ZMIZ1: variants seen among roughly 807,000 people sequenced by gnomAD.
The protein encoded by ZMIZ1 is zinc finger MIZ domain-containing protein 1.
A neutral mutation model predicts 113.9 loss-of-function variants in ZMIZ1; 17 were observed. The observed-to-expected ratio is 0.15, with a 90% confidence interval of 0.10 to 0.22. The LOEUF is 0.22. Among genes scored for constraint, ZMIZ1 ranks in the 10% least tolerant of loss-of-function variants. The pLI is 1.00. For missense variants in ZMIZ1, 1,059 were observed against 1,477.8 expected (o/e 0.72, Z 4.65); for synonymous variants, 607 against 603.1 (o/e 1.01, Z -0.09).
intron 1 of ZMIZ1, among the ~76,000 whole-genome samples, chr10:79,108,348 G>A (rs1056783561): frequency 2.6e-5 from 4 of 152,152 alleles, no homozygotes; most frequent in East Asian, 3.9e-4. Context: ...CCCCAGCTCA[G>A]ATCTCAGATC....
chr10:79,090,141 C>G (rs928617402), intron 1 of ZMIZ1, among the ~76,000 whole-genome samples: 1 of 152,204 alleles, frequency 6.6e-6, no homozygotes, highest in African/African-American at 2.4e-5. Context: ...ACCCAGGAGA[C>G]AGCTTGCTGT....
chr10:79,155,383 G>A (rs546800889), intron 3 of ZMIZ1, among the ~76,000 whole-genome samples: 6 of 152,194 alleles, frequency 3.9e-5, no homozygotes, highest in Non-Finnish European at 7.3e-5. Context: ...GTCCCTGACT[G>A]GGCCTGAGTC....
intron 3 of ZMIZ1, among the ~76,000 whole-genome samples, chr10:79,161,103 C>T (rs748510987): frequency 6.6e-6 from 1 of 152,184 alleles, no homozygotes; most frequent in Non-Finnish European, 1.5e-5. Flanking sequence ...CCAGCTGAGC[C>T]CCACCCAACA....
chr10:79,123,564 G>T (rs981716902), intron 2 of ZMIZ1, among the ~76,000 whole-genome samples: 2 of 152,220 alleles, frequency 1.3e-5, no homozygotes, highest in African/African-American at 4.8e-5. Context: ...TGAGCAGCAT[G>T]GTTGTGCGGT....
Position 79,310,981 on chromosome 10 carries a change from G to C in ZMIZ1, c.2893G>C (p.Val965Leu). ...CCCCTCCATACAACAAGGTTTGCAC[G>C]TACCACACCCCAGCAGCCAGTCAGG... ...PHPSIQQGLH[V>L]PHPSSQSGPP... The change falls in exon 24 of 25, where the codon GTA becomes CTA. Residue 965 changes from valine (V) to leucine (L), a missense_variant. Val to Leu is a conservative substitution (Grantham distance 32). This residue lies in a region of ZMIZ1 where 225 missense variants were observed against 276.0 expected (regional missense o/e 0.82). Transcript: ENST00000334512. 1 of 1,613,764 alleles carries C rather than the reference G, an allele frequency of 6.2e-7. No homozygotes were observed. Among genetic ancestry groups the C allele is most frequent in the South Asian group, 1.1e-5 (1 of 91,062 alleles).
At chr10:79,084,535 T>C (rs1842749153) in intron 1 of ZMIZ1, among the ~76,000 whole-genome samples, 1 of 152,154 alleles carries the variant, frequency 6.6e-6, no homozygotes, top group Non-Finnish European at 1.5e-5. Context: ...GAGGTTCTTA[T>C]TAATTCAAAG....
At chr10:79,107,866 G>A (rs1277385751) in intron 1 of ZMIZ1, among the ~76,000 whole-genome samples, 1 of 152,216 alleles carries the variant, frequency 6.6e-6, no homozygotes, top group Non-Finnish European at 1.5e-5. Flanking sequence ...AAAAGACCCA[G>A]TTGCTTTGTC....
At chr10:79,222,913 C>T (rs978244829) in intron 7 of ZMIZ1, among the ~76,000 whole-genome samples, 1 of 152,236 alleles carries the variant, frequency 6.6e-6, no homozygotes, top group African/African-American at 2.4e-5. Context: ...CTGCTCAGGA[C>T]ACCTTAAGCC....
At chr10:79,293,049 C>T (rs1853613961) in intron 11 of ZMIZ1, among the ~76,000 whole-genome samples, 1 of 152,148 alleles carries the variant, frequency 6.6e-6, no homozygotes, top group African/African-American at 2.4e-5. Context: ...CTCCCATACC[C>T]CTCCCTGTCC....
chr10:79,296,695 C>T lies in ZMIZ1; in HGVS notation c.1413+42C>T, dbSNP rs201971009. 1.2e-5 allele frequency: 18 copies of T among 1,507,212 alleles called. No homozygotes were observed. In the African/African-American group the frequency reaches 2.0e-4, roughly 16 times the overall value. 93.4% of individuals were successfully genotyped at this position (1,507,212 alleles called of 1,614,324 possible). On this transcript the variant is annotated intron_variant, in intron 13 of 24. Coordinates refer to ENST00000334512, the MANE Select transcript of ZMIZ1 (RefSeq NM_020338.4). This position sits in a 1 kb window ranked among gnomAD's most constrained non-coding sequence, Gnocchi z 4.1. ...CCACCACCCACGGGGCCCCTTCCCT[C>T]CTAACCACCTCACTCCCCTAACTCC...
chr10:79,087,478 C>T (rs1381600018), intron 1 of ZMIZ1, among the ~76,000 whole-genome samples: 2 of 152,176 alleles, frequency 1.3e-5, no homozygotes, highest in Non-Finnish European at 2.9e-5. Flanking sequence ...TGTCTTTGGA[C>T]TCCACCTTCT....
At chr10:79,128,662 A>T (rs978966705) in intron 2 of ZMIZ1, among the ~76,000 whole-genome samples, 1 of 152,172 alleles carries the variant, frequency 6.6e-6, no homozygotes, top group African/African-American at 2.4e-5. Context: ...TTGAAGACCC[A>T]GGCTAAGGAT....
At chr10:79,104,071 A>G (rs1843467612) in intron 1 of ZMIZ1, among the ~76,000 whole-genome samples, 2 of 152,132 alleles carry the variant, frequency 1.3e-5, no homozygotes, top group Non-Finnish European at 2.9e-5. Context: ...GAGTAGCAAC[A>G]TGCTCTGGAA....
chr10:79,081,047 A>G (rs1374362583), intron 1 of ZMIZ1, among the ~76,000 whole-genome samples: 1 of 152,054 alleles, frequency 6.6e-6, no homozygotes, highest in African/African-American at 2.4e-5. Flanking sequence ...GCACCTTCCC[A>G]TGTGGGCTTG....
intron 22 of ZMIZ1, among the ~76,000 whole-genome samples, chr10:79,306,777 C>T (rs1286775707): frequency 1.3e-5 from 2 of 152,208 alleles, no homozygotes; most frequent in African/African-American, 4.8e-5. Context: ...GCCACTGATT[C>T]CTGGAAAGTA....
chr10:79,137,985 C>T (rs1422706727), intron 2 of ZMIZ1, among the ~76,000 whole-genome samples: 1 of 152,206 alleles, frequency 6.6e-6, no homozygotes, highest in Non-Finnish European at 1.5e-5. Context: ...CAGGAAGTCC[C>T]GTCCCGAGGC....
intron 7 of ZMIZ1, among the ~76,000 whole-genome samples, chr10:79,235,222 C>G (rs1426155811): frequency 6.6e-6 from 1 of 152,226 alleles, no homozygotes; most frequent in African/African-American, 2.4e-5. Flanking sequence ...CTCCCCTCAT[C>G]TGCCATGGAC....
chr10:79,244,758 G>A (rs1389105842), intron 7 of ZMIZ1, among the ~76,000 whole-genome samples: 2 of 152,208 alleles, frequency 1.3e-5, no homozygotes, highest in African/African-American at 2.4e-5. Context: ...GAGAAATCAG[G>A]CTGAGAGTCA....
intron 2 of ZMIZ1, among the ~76,000 whole-genome samples, chr10:79,124,484 G>C (rs1769209929): frequency 6.6e-6 from 1 of 152,204 alleles, no homozygotes. Flanking sequence ...TTGCTTGTTT[G>C]CTGGGTGATC....
Sources: gnomAD v4.1 joint callset for allele counts (sites outside exome capture counted in the v4.1 genomes callset) on GRCh38, gnomAD v4.1.1 for gene constraint, gnomAD v4.1.1 regional missense constraint, Gnocchi (gnomAD v3.1) non-coding constraint, MANE v1.5 for transcripts, NCBI Gene and HGNC (gene_info 2026-07-23, HGNC 2026-07-21) for gene names.